The following PXN variants were observed in gnomAD, a reference collection of about 807,000 sequenced individuals.
PXN encodes the protein testicular tissue protein Li 134.
PXN carries 61 observed loss-of-function variants against 103.6 expected under a neutral mutation model. That is an observed-to-expected ratio of 0.59 (90% CI 0.48 to 0.73). The LOEUF is 0.73. Ranked by LOEUF, PXN falls within the 30% of genes least tolerant of loss-of-function variation. The pLI is 0.00. For synonymous variants in PXN, 562 were observed against 607.8 expected (o/e 0.92, Z 1.11); for missense variants, 1,274 against 1,460.3 (o/e 0.87, Z 2.08).
Position 120,216,156 on chromosome 12 carries a change from G to A in PXN, c.2301+117C>T. The stretch of plus-strand genomic sequence containing the variant: ...TGTGGTTACTGTGCTGGGGCTTGTA[G>A]ATGGAGGGATGGAGGGTATCTGTGT... On this transcript the variant is annotated intron_variant, in intron 9 of 14. Transcript: ENST00000637617. The surrounding 1 kb of genome is among the most constrained non-coding windows in gnomAD (Gnocchi z 5.1). 2 of 1,267,528 alleles carry A rather than the reference G, an allele frequency of 1.6e-6. No homozygotes were observed. The highest frequency in any genetic ancestry group is 2.0e-6 in the Non-Finnish European group (2 of 1,008,830). The allele number at this position is 1,267,528 out of a possible 1,614,324, so 78.5% of individuals were successfully genotyped here. A position where few individuals can be genotyped will look rare whatever the true frequency, so the allele number is the denominator to read the frequency against.
Position 120,221,583 on chromosome 12 carries a change from G to A in PXN, c.831+40C>T. 1 of 1,536,492 alleles carries A rather than the reference G, an allele frequency of 6.5e-7. No individual in the cohort carries two copies. The highest frequency in any genetic ancestry group is 8.8e-7 in the Non-Finnish European group (1 of 1,137,550). On this transcript the variant is annotated intron_variant, in intron 6 of 14. Transcript: ENST00000637617. The surrounding 1 kb of genome is among the most constrained non-coding windows in gnomAD (Gnocchi z 6.6). ...GGTAAGGGAGGAGAAGGATGAGGGA[G>A]GGGCGGCAGGGCAGGGAAGATGGAG... is the stretch of plus-strand genomic sequence containing the variant.
intron 1 of PXN, chr12:120,264,343 A>T (rs1453709035): frequency 6.6e-6 from 1 of 152,640 alleles, no homozygotes; most frequent in East Asian, 1.9e-4. Context: ...ATCAGTGGTC[A>T]CACAAGCCAC....
chr12:120,236,523 G>A (rs1048578802), intron 1 of PXN, among the ~76,000 whole-genome samples: 9 of 150,194 alleles, frequency 6.0e-5, no homozygotes, highest in Non-Finnish European at 1.0e-4. Flanking sequence ...TGTCGCCCAG[G>A]CTGGCGTACA....
intron 1 of PXN, among the ~76,000 whole-genome samples, chr12:120,253,353 G>A (rs1329848514): frequency 6.6e-6 from 1 of 151,862 alleles, no homozygotes; most frequent in African/African-American, 2.4e-5. Context: ...CACGCCTGTA[G>A]TCTCAGCTAC....
intron 1 of PXN, among the ~76,000 whole-genome samples, chr12:120,251,461 G>A (rs962732203): frequency 5.9e-5 from 9 of 151,822 alleles, no homozygotes; most frequent in African/African-American, 1.9e-4. Context: ...AGGCTGCAGT[G>A]AGCTGAGATC....
intron 1 of PXN, chr12:120,226,880 A>G (rs1327843627): frequency 4.0e-6 from 4 of 993,478 alleles, no homozygotes; most frequent in South Asian, 4.3e-5. Flanking sequence ...TAGCAGGTAC[A>G]CTGGAAGCTG....
rs112116762 is a variant in PXN at position 120,216,934 on chromosome 12, C to G, written c.1899G>C (p.Ala633=). Residue 633 remains alanine (A), a synonymous_variant, in exon 8 of 15, where the codon GCG becomes GCC. Coordinates refer to ENST00000637617, the MANE Select transcript of PXN (RefSeq NM_001385981.1). This position sits in a 1 kb window ranked among gnomAD's most constrained non-coding sequence, Gnocchi z 5.1. The part of the protein sequence containing the change: ...IQPEAEEPAE[A]AGPSAQDWLT... The stretch of plus-strand genomic sequence containing the variant: ...GCCAGTCCTGGGCAGAGGGCCCCGC[C>G]GCCTCCGCCGGCTCCTCTGCCTCAG... The G allele has an allele frequency of 3.9e-4, 598 of 1,531,382 alleles. 3 individuals are homozygous for G. The African/African-American group carries it at 6.4e-3, about 16-fold the overall frequency. 94.9% of individuals were successfully genotyped at this position (1,531,382 alleles called of 1,614,324 possible).
In PXN at chr12:120,265,598, C is replaced by T; in HGVS notation, c.13+19G>A. The T allele has an allele frequency of 6.7e-7, 1 of 1,485,752 alleles. No individual in the cohort carries two copies. The highest frequency in any genetic ancestry group is 1.3e-5 in the South Asian group (1 of 78,858). 92.0% of individuals were successfully genotyped at this position (1,485,752 alleles called of 1,614,324 possible). On this transcript the variant is annotated intron_variant, in intron 1 of 14. Coordinates refer to ENST00000637617, the MANE Select transcript of PXN (RefSeq NM_001385981.1). The surrounding 1 kb of genome is among the most constrained non-coding windows in gnomAD (Gnocchi z 5.7). ...GCGCGCCTCTCGCCTCCTCCTCCCT[C>T]GGCCTCCCGCTCACTCACCGAGGTC...
chr12:120,251,284 A>C (rs904162105), intron 1 of PXN, among the ~76,000 whole-genome samples: 8 of 150,402 alleles, frequency 5.3e-5, no homozygotes, highest in African/African-American at 2.0e-4. Context: ...TTGGGAGGCC[A>C]AGGCAGGTGG....
chr12:120,232,383 C>G (rs1325188125), intron 1 of PXN, among the ~76,000 whole-genome samples: 1 of 152,170 alleles, frequency 6.6e-6, no homozygotes, highest in East Asian at 1.9e-4. Context: ...TGGGCCCTCC[C>G]TCCTCCAGAG....
intron 1 of PXN, chr12:120,226,280 G>A (rs1388864855): frequency 3.1e-6 from 4 of 1,288,870 alleles, no homozygotes; most frequent in East Asian, 5.5e-5. Context: ...AGCAGGCAAC[G>A]AATGAGTGCA....
intron 1 of PXN, among the ~76,000 whole-genome samples, chr12:120,256,001 G>A (rs1438218206): frequency 6.6e-6 from 1 of 151,862 alleles, no homozygotes; most frequent in Non-Finnish European, 1.5e-5. Flanking sequence ...GACCCTGGGA[G>A]ACAGAGGTTG....
rs756042276 is a variant in PXN at position 120,212,496 on chromosome 12, C to T, written c.3064G>A (p.Gly1022Ser). The T allele has an allele frequency of 1.7e-5, 28 of 1,613,892 alleles. No homozygotes were observed. The highest frequency in any genetic ancestry group is 3.3e-5 in the South Asian group (3 of 91,084). Residue 1022 changes from glycine (G) to serine (S), a missense_variant, in exon 15 of 15, where the codon GGC becomes AGC. This residue lies in a region of PXN where 96 missense variants were observed against 151.3 expected (regional missense o/e 0.63). Transcript: ENST00000637617. This position sits in a 1 kb window ranked among gnomAD's most constrained non-coding sequence, Gnocchi z 7.2. ...YCEVHYHERR[G>S]SLCSGCQKPI... is the part of the protein sequence containing the mutation. ...TTCTGGCAGCCAGAACACAGCGAGC[C>T]GCGCCGCTCGTGGTAGTGCACCTCA...
In PXN at chr12:120,216,252, A is replaced by C; in HGVS notation, c.2301+21T>G. 1 of 1,271,268 alleles carries C rather than the reference A, an allele frequency of 7.9e-7. No homozygotes were observed. Among genetic ancestry groups the C allele is most frequent in the Non-Finnish European group, 9.9e-7 (1 of 1,012,890 alleles). 78.7% of individuals were successfully genotyped at this position (1,271,268 alleles called of 1,614,324 possible). A position where few individuals can be genotyped will look rare whatever the true frequency, so the allele number is the denominator to read the frequency against. On this transcript the variant is annotated intron_variant, in intron 9 of 14. Transcript: ENST00000637617. This position sits in a 1 kb window ranked among gnomAD's most constrained non-coding sequence, Gnocchi z 5.1. ...GCATTAGGACAGGGGACAGAAAGGG[A>C]GGGGCTCCTTTAAGGCCTGCCTGCA...
intron 1 of PXN, among the ~76,000 whole-genome samples, chr12:120,234,510 C>T (rs1219133878): frequency 6.6e-6 from 1 of 152,116 alleles, no homozygotes; most frequent in Non-Finnish European, 1.5e-5. Context: ...CACATAAAAC[C>T]ACCCCTGCCC....
chr12:120,215,518 G>A lies in PXN; in HGVS notation c.2403+42C>T. 3.9e-6 allele frequency: 6 copies of A among 1,536,670 alleles called. No individual in the cohort carries two copies. Among genetic ancestry groups the A allele is most frequent in the Non-Finnish European group, 5.2e-6 (6 of 1,144,006 alleles). ...CAGCAGGCATGGCCAAGCCCAGGGA[G>A]AGCACGACACGCAGGACACCCAGCC... On this transcript the variant is annotated intron_variant, in intron 10 of 14. Transcript: ENST00000637617. This position sits in a 1 kb window ranked among gnomAD's most constrained non-coding sequence, Gnocchi z 4.9.
chr12:120,226,346 G>T, intron 1 of PXN: 1 of 1,289,238 alleles, frequency 7.8e-7, no homozygotes, highest in Non-Finnish European at 1.0e-6. Context: ...GGGGCCAGGA[G>T]CTTCACCTTT....
intron 1 of PXN, among the ~76,000 whole-genome samples, chr12:120,238,498 C>A (rs1444464488): frequency 6.6e-6 from 1 of 152,176 alleles, no homozygotes; most frequent in African/African-American, 2.4e-5. Context: ...AGGGGGTACA[C>A]ACCTCGCCCC....
chr12:120,255,908 G>T (rs1418023857), intron 1 of PXN, among the ~76,000 whole-genome samples: 3 of 132,864 alleles, frequency 2.3e-5, no homozygotes, highest in African/African-American at 8.4e-5. Flanking sequence ...AATTAGCCAG[G>T]TATGGTGGTG....
Sources: gnomAD v4.1 joint callset for allele counts (sites outside exome capture counted in the v4.1 genomes callset) on GRCh38, gnomAD v4.1.1 for gene constraint, gnomAD v4.1.1 regional missense constraint, Gnocchi (gnomAD v3.1) non-coding constraint, MANE v1.5 for transcripts, NCBI Gene and HGNC (gene_info 2026-07-23, HGNC 2026-07-21) for gene names.